BRK1: variants seen among roughly 807,000 people sequenced by gnomAD.
BRK1 encodes protein BRICK1.
Under a neutral mutation model 9.9 loss-of-function variants are expected in BRK1, and 6 were observed. That is an observed-to-expected ratio of 0.60 (90% CI 0.33 to 1.19). BRK1 has a LOEUF of 1.19. Ranked by LOEUF, BRK1 falls within the 50% of genes most tolerant of loss-of-function variation. The pLI is 0.04. For missense variants in BRK1, 62 were observed against 97.5 expected, an observed-to-expected ratio of 0.64 and a Z score of 1.53; for synonymous variants, 44 against 31.9, an observed-to-expected ratio of 1.38 and a Z score of -1.28.
chr3:10,115,894 C>T, intron 1 of BRK1, 75 bp downstream of exon 1: 1 of 1,167,172 alleles, frequency 8.6e-7, no homozygotes, highest in Non-Finnish European at 1.3e-6. Flanking sequence ...CGGGGAGATG[C>T]TTTGAGAGGA....
intron 1 of BRK1, among the ~76,000 whole-genome samples, chr3:10,122,282 C>CA (rs1695768285): frequency 6.6e-6 from 1 of 152,060 alleles, no homozygotes; most frequent in Non-Finnish European, 1.5e-5. Context: ...CAAACCATTC[C>CA]AATCATGGGC....
At chr3:10,124,355 G>A (rs1695806721) in intron 1 of BRK1, among the ~76,000 whole-genome samples, 1 of 151,840 alleles carries the variant, frequency 6.6e-6, no homozygotes, top group African/African-American at 2.4e-5. Flanking sequence ...AGCTACCTAG[G>A]AGGCTGAGGC....
intron 1 of BRK1, among the ~76,000 whole-genome samples, chr3:10,119,423 A>T (rs983598031): frequency 1.3e-5 from 2 of 152,102 alleles, no homozygotes; most frequent in African/African-American, 4.8e-5. Context: ...GTGCCACTGT[A>T]CTCCAGCCTG....
chr3:10,121,695 G>A (rs1695757541), intron 1 of BRK1, among the ~76,000 whole-genome samples: 1 of 151,664 alleles, frequency 6.6e-6, no homozygotes, highest in Non-Finnish European at 1.5e-5. Context: ...ATTTGGTTTC[G>A]TAACATGAAT....
Position 10,126,457 on chromosome 3 carries a change from G to A in BRK1, c.*162G>A, listed in dbSNP as rs1050916120. The stretch of plus-strand genomic sequence containing the variant: ...TGGCCTTTGGGCTCTGCCATCTGGG[G>A]TGTGGTGTGGTATGTGGGAAGAAGT... On this transcript the variant is annotated 3_prime_UTR_variant, in exon 3 of 3. Transcript: ENST00000530758. The A allele has an allele frequency of 1.7e-6, 1 of 597,200 alleles. No individual in the cohort carries two copies. Among genetic ancestry groups the A allele is most frequent in the Non-Finnish European group, 2.9e-6 (1 of 349,040 alleles). The allele number at this position is 597,200 out of a possible 1,614,324, so 37.0% of individuals were successfully genotyped here. A position where few individuals can be genotyped will look rare whatever the true frequency, so the allele number is the denominator to read the frequency against.
intron 1 of BRK1, among the ~76,000 whole-genome samples, chr3:10,121,431 T>C (rs1695754514): frequency 6.6e-6 from 1 of 152,106 alleles, no homozygotes; most frequent in African/African-American, 2.4e-5. Flanking sequence ...TGGGAAAGAA[T>C]ACCAGTGACC....
chr3:10,126,531 C>T lies in BRK1; in HGVS notation c.*236C>T. 2.2e-6 allele frequency: 1 copy of T among 460,528 alleles called. No individual in the cohort carries two copies. Among genetic ancestry groups the T allele is most frequent in the Non-Finnish European group, 3.9e-6 (1 of 258,784 alleles). 28.5% of individuals were successfully genotyped at this position (460,528 alleles called of 1,614,324 possible). On this transcript the variant is annotated 3_prime_UTR_variant, in exon 3 of 3. Transcript: ENST00000530758. ...GTTAGGCATTTTACCTTTTCAGTAA[C>T]ATTTTATACATCTACTTGTCAATGT...
chr3:10,121,005 T>C (rs1695748645), intron 1 of BRK1, among the ~76,000 whole-genome samples: 1 of 152,190 alleles, frequency 6.6e-6, no homozygotes, highest in South Asian at 2.1e-4. Context: ...CTTGGTCCTG[T>C]TGGGCAGTTC....
intron 1 of BRK1, among the ~76,000 whole-genome samples, chr3:10,120,896 TC>T (rs1695747389): frequency 6.6e-6 from 1 of 152,216 alleles, no homozygotes; most frequent in Non-Finnish European, 1.5e-5. Context: ...TCGTATGTCT[TC>T]ATGGGAAATG....
intron 1 of BRK1, among the ~76,000 whole-genome samples, chr3:10,122,189 C>T (rs550189433): frequency 5.9e-4 from 90 of 152,092 alleles, no homozygotes; most frequent in Middle Eastern, 3.4e-3. Flanking sequence ...TCCCAAAGTG[C>T]TGGAATTACA....
At chr3:10,117,837 G>T (rs1371499298) in intron 1 of BRK1, among the ~76,000 whole-genome samples, 3 of 152,186 alleles carry the variant, frequency 2.0e-5, no homozygotes, top group African/African-American at 7.2e-5. Flanking sequence ...TTACTAGGTG[G>T]TTTTTAAAGA....
chr3:10,116,413 T>C (rs574026587), intron 1 of BRK1, among the ~76,000 whole-genome samples: 60 of 140,418 alleles, frequency 4.3e-4, no homozygotes, highest in African/African-American at 1.7e-3. Context: ...CTCTCTGTAT[T>C]GCTAGTATAT....
rs1361869471 is a variant in BRK1, at chr3:10,126,867, A to G, written c.*572A>G. On this transcript the variant is annotated 3_prime_UTR_variant, in exon 3 of 3. Transcript: ENST00000530758. ...ACATTTTCAGACTTTTCTTTCTGTCACTTGGAGTGTCTATGCCTCTCATAT... is the reference window on the plus strand; with the variant it reads ...ACATTTTCAGACTTTTCTTTCTGTCGCTTGGAGTGTCTATGCCTCTCATAT... 6.5e-6 allele frequency: 1 copy of G among 152,868 alleles called. No homozygotes were observed. The highest frequency in any genetic ancestry group is 1.5e-5 in the Non-Finnish European group (1 of 68,242). The allele number at this position is 152,868 out of a possible 1,614,324, so 9.5% of individuals were successfully genotyped here.
intron 1 of BRK1, among the ~76,000 whole-genome samples, chr3:10,120,490 C>T (rs1230518466): frequency 5.3e-5 from 8 of 152,090 alleles, no homozygotes; most frequent in South Asian, 2.1e-4. Flanking sequence ...CCACCGTGCC[C>T]GGCCTGACAG....
At chr3:10,121,333 G>T (rs944166713) in intron 1 of BRK1, among the ~76,000 whole-genome samples, 5 of 152,162 alleles carry the variant, frequency 3.3e-5, no homozygotes, top group African/African-American at 1.2e-4. Flanking sequence ...ATGGAAAGTG[G>T]CAGAGTTGGG....
chr3:10,124,810 C>T (rs1271613298), intron 1 of BRK1, among the ~76,000 whole-genome samples: 1 of 152,266 alleles, frequency 6.6e-6, no homozygotes, highest in South Asian at 2.1e-4. Flanking sequence ...GAGAGTTGTT[C>T]CCAGCTTCTA....
In BRK1 at chr3:10,125,195, C is replaced by A. The variant is rs532630128; in HGVS notation, c.119-431C>A. On this transcript the variant is annotated intron_variant, in intron 1 of 2. Coordinates refer to ENST00000530758, the MANE Select transcript of BRK1 (RefSeq NM_018462.5). ...TTGGCTCACTGCAACCTTTGCCCCC[C>A]CCGGTTCAAGTGATTTTCCTGCCTC... Among the ~76,000 whole-genome samples the A allele has an allele frequency of 3.9e-5, 6 of 152,192 alleles. No individual in the cohort carries two copies. In the Middle Eastern group the frequency reaches 0.01, roughly 259 times the overall value.
chr3:10,121,546 C>CT lies in BRK1; in HGVS notation c.119-4070dup, dbSNP rs112571351. Among the ~76,000 whole-genome samples, 24,663 of 149,600 alleles carry CT rather than the reference C, an allele frequency of 0.16. 2,524 individuals carry two copies. Among genetic ancestry groups the CT allele is most frequent in the African/African-American group, 0.29 (11,955 of 40,792 alleles). On this transcript the variant is annotated intron_variant, in intron 1 of 2. Coordinates refer to ENST00000530758, the MANE Select transcript of BRK1 (RefSeq NM_018462.5). ...GTTCCACTAATATACCAGAATCCAT[C>CT]TTTTTTTTTTCAGTCAACATCTATG...
chr3:10,124,734 G>A (rs545064032), intron 1 of BRK1, among the ~76,000 whole-genome samples: 1 of 152,168 alleles, frequency 6.6e-6, no homozygotes, highest in South Asian at 2.1e-4. Context: ...ATATTGGGTT[G>A]TTGGCAGAAT....
Sources: gnomAD v4.1 joint callset for allele counts (sites outside exome capture counted in the v4.1 genomes callset) on GRCh38, gnomAD v4.1.1 for gene constraint, MANE v1.5 for transcripts, NCBI Gene and HGNC (gene_info 2026-07-23, HGNC 2026-07-21) for gene names.